OCIAD1: variants seen among roughly 807,000 people sequenced by gnomAD.
The protein encoded by OCIAD1 is OCIA domain containing 1.
Under a neutral mutation model 38.9 loss-of-function variants are expected in OCIAD1, and 29 were observed. The ratio of observed to expected loss-of-function variants is 0.74; its 90% CI spans 0.55 to 1.02. The LOEUF is 1.02. OCIAD1 is among the 50% of genes least tolerant of loss of function. The pLI is 0.00. For synonymous variants in OCIAD1, 110 were observed against 92.0 expected (o/e 1.20, Z -1.12); for missense variants, 288 against 289.6 (o/e 0.99, Z 0.04).
chr4:48,825,766 TTCCC>T (rs1239165036), intron 1 of OCIAD1, among the ~76,000 whole-genome samples: 3 of 152,032 alleles, frequency 2.0e-5, no homozygotes, highest in African/African-American at 2.4e-5. Context: ...TTCTCTTTCT[TTCCC>T]TCCCTCCCTC....
At chr4:48,825,888 A>G (rs1579037623) in intron 1 of OCIAD1, among the ~76,000 whole-genome samples, 2 of 150,322 alleles carry the variant, frequency 1.3e-5, no homozygotes, top group East Asian at 2.0e-4. Context: ...CCCAGGCTGG[A>G]GTGCAGTAGT....
intron 1 of OCIAD1, among the ~76,000 whole-genome samples, chr4:48,823,428 G>T (rs973098589): frequency 6.6e-6 from 1 of 151,878 alleles, no homozygotes; most frequent in Non-Finnish European, 1.5e-5. Context: ...GAGCGTTAGG[G>T]CAAATACCTA....
At chr4:48,821,700 A>G (rs1412519042) in intron 1 of OCIAD1, among the ~76,000 whole-genome samples, 1 of 152,248 alleles carries the variant, frequency 6.6e-6, no homozygotes, top group Non-Finnish European at 1.5e-5. Flanking sequence ...GCAAAGTGTC[A>G]GGATACAAAA....
chr4:48,840,809 C>T (rs1579070713), intron 3 of OCIAD1, among the ~76,000 whole-genome samples: 1 of 116,020 alleles, frequency 8.6e-6, no homozygotes, highest in Non-Finnish European at 1.7e-5. Flanking sequence ...CCAGCCTGGG[C>T]AACTTGGCGA....
chr4:48,849,800 T>C, intron 5 of OCIAD1, 147 bp from the exon 6 acceptor site: 1 of 665,052 alleles, frequency 1.5e-6, no homozygotes, highest in Non-Finnish European at 2.5e-6. Flanking sequence ...TAATTTTGAT[T>C]TCTTCTACCA....
intron 4 of OCIAD1, among the ~76,000 whole-genome samples, chr4:48,845,282 C>CTA (rs1161058467): frequency 6.6e-6 from 1 of 152,214 alleles, no homozygotes; most frequent in Non-Finnish European, 1.5e-5. Context: ...CAGTGTGAGA[C>CTA]TATCCATATG....
intron 1 of OCIAD1, among the ~76,000 whole-genome samples, chr4:48,815,288 G>A (rs570751157): frequency 6.6e-5 from 10 of 152,042 alleles, no homozygotes; most frequent in African/African-American, 2.4e-4. Flanking sequence ...CCAGCCCGGG[G>A]AACAGTGTGA....
upstream of OCIAD1, among the ~76,000 whole-genome samples, chr4:48,829,128 T>C (rs1012656519): frequency 6.6e-6 from 1 of 152,058 alleles, no homozygotes; most frequent in Admixed American, 6.5e-5. Flanking sequence ...GGCGTGGTGG[T>C]GCACACCTGT....
chr4:48,816,939 C>T (rs1377052523), intron 1 of OCIAD1, among the ~76,000 whole-genome samples: 3 of 152,296 alleles, frequency 2.0e-5, no homozygotes, highest in South Asian at 2.1e-4. Context: ...CACTGCACTC[C>T]AGCCTGGGTG....
At chr4:48,836,612 C>T (rs2109528554) in intron 3 of OCIAD1, among the ~76,000 whole-genome samples, 1 of 152,184 alleles carries the variant, frequency 6.6e-6, no homozygotes, top group Non-Finnish European at 1.5e-5. Context: ...GTGATTAATA[C>T]TTAGGATTGA....
At chr4:48,840,565 A>AAT (rs1778418854) in intron 3 of OCIAD1, among the ~76,000 whole-genome samples, 1 of 152,240 alleles carries the variant, frequency 6.6e-6, no homozygotes, top group Non-Finnish European at 1.5e-5. Context: ...TTAATCATGA[A>AAT]ATCTGTAATA....
intron 8 of OCIAD1, among the ~76,000 whole-genome samples, 168 bp downstream of exon 8, chr4:48,857,533 T>C (rs1780162476): frequency 6.6e-6 from 1 of 152,128 alleles, no homozygotes; most frequent in Admixed American, 6.5e-5. Context: ...TTCTTTTTTT[T>C]TTTTTGAGAC....
intron 2 of OCIAD1, 150 bp downstream of exon 2, chr4:48,832,832 G>C (rs1777637513): frequency 1.5e-6 from 1 of 660,418 alleles, no homozygotes; most frequent in Non-Finnish European, 2.7e-6. Flanking sequence ...TTGTTATCTT[G>C]AAATTCATAA....
chr4:48,848,433 C>A lies in OCIAD1; in HGVS notation c.228C>A (p.Ile76=), dbSNP rs761335351. The A allele has an allele frequency of 4.0e-6, 6 of 1,488,696 alleles. No individual in the cohort carries two copies. The African/African-American group carries it at 4.2e-5, about 10-fold the overall frequency. 92.2% of individuals were successfully genotyped at this position (1,488,696 alleles called of 1,614,324 possible). The part of the protein sequence containing the change: ...ILSSHPKYGS[I]PKLILACIMG... ...CAAGTCATCCCAAATATGGTTCCATCCCTAAACTTATACGTAAGTATGAAC... is the reference window on the plus strand; with the variant it reads ...CAAGTCATCCCAAATATGGTTCCATACCTAAACTTATACGTAAGTATGAAC... Residue 76 remains isoleucine, a synonymous_variant, in exon 5 of 9, where the codon ATC becomes ATA. Transcript: ENST00000264312.
chr4:48,842,037 A>G (rs1778578550), intron 3 of OCIAD1, among the ~76,000 whole-genome samples: 1 of 152,208 alleles, frequency 6.6e-6, no homozygotes, highest in Non-Finnish European at 1.5e-5. Context: ...GAGATCTGGT[A>G]TCAGACAGAT....
At chr4:48,839,935 T>G (rs1453683641) in intron 3 of OCIAD1, among the ~76,000 whole-genome samples, 3 of 152,338 alleles carry the variant, frequency 2.0e-5, no homozygotes, top group Middle Eastern at 3.4e-3. Context: ...ATCTCAGCAT[T>G]ACCACAAACT....
At chr4:48,815,981 T>C (rs974203712) in intron 1 of OCIAD1, among the ~76,000 whole-genome samples, 2 of 152,238 alleles carry the variant, frequency 1.3e-5, no homozygotes, top group African/African-American at 4.8e-5. Flanking sequence ...TTTCTTTTCA[T>C]CCCTACTTAG....
chr4:48,831,138 C>G lies in OCIAD1; in HGVS notation c.-117C>G, dbSNP rs1321951894. The stretch of plus-strand genomic sequence containing the variant: ...CGGCTGTTCTACCCCTCCCCCTCCC[C>G]GCGGTACCTTGCACTTTTCTCCCTC... On this transcript the variant is annotated 5_prime_UTR_variant, in exon 1 of 9. Coordinates refer to ENST00000264312, the MANE Select transcript of OCIAD1 (RefSeq NM_017830.4). The G allele has an allele frequency of 1.0e-5, 3 of 293,780 alleles. No individual in the cohort carries two copies. Among genetic ancestry groups the G allele is most frequent in the African/African-American group, 2.2e-5 (1 of 45,766 alleles). 18.2% of individuals were successfully genotyped at this position (293,780 alleles called of 1,614,324 possible).
upstream of OCIAD1, among the ~76,000 whole-genome samples, chr4:48,830,295 G>A (rs990958016): frequency 1.3e-5 from 2 of 152,190 alleles, no homozygotes; most frequent in Middle Eastern, 3.2e-3. Context: ...AATGTTAAAT[G>A]ATAAAGTGGC....
Sources: gnomAD v4.1 joint callset for allele counts (sites outside exome capture counted in the v4.1 genomes callset) on GRCh38, gnomAD v4.1.1 for gene constraint, MANE v1.5 for transcripts, NCBI Gene and HGNC (gene_info 2026-07-23, HGNC 2026-07-21) for gene names.